COL1A1: variants seen among roughly 807,000 people sequenced by gnomAD.
The protein encoded by COL1A1 is collagen alpha-1(I) chain.
A neutral mutation model predicts 195.7 loss-of-function variants in COL1A1; 21 were observed. The observed-to-expected ratio is 0.11, with a 90% CI of 0.08 to 0.15. The LOEUF is 0.15. COL1A1 is among the 10% of genes least tolerant of loss of function. The pLI, the probability that COL1A1 is intolerant of heterozygous loss-of-function variation, is 1.00. For missense variants in COL1A1, 1,365 were observed against 2,051.0 expected (o/e 0.67, Z 6.46); for synonymous variants, 749 against 747.3 (o/e 1.00, Z -0.04).
At chr17:50,191,620 A>G in intron 31 of COL1A1, 130 bp from the exon 32 acceptor site, 1 of 1,114,824 alleles carries the variant, frequency 9.0e-7, no homozygotes. Context: ...AGATGAAAAG[A>G]CTCACAGCCC....
chr17:50,198,790 T>C (rs1709046653), intron 5 of COL1A1: 2 of 503,726 alleles, frequency 4.0e-6, no homozygotes, highest in South Asian at 4.2e-5. Flanking sequence ...ACTAGAGACA[T>C]GATGATTAAA....
Position 50,189,453 on chromosome 17 carries a change from C to T in COL1A1, c.2753G>A (p.Arg918His), listed in dbSNP as rs181824088. 19 of 1,612,958 alleles carry T rather than the reference C, an allele frequency of 1.2e-5. No homozygotes were observed. The highest frequency in any genetic ancestry group is 5.4e-5 in the African/African-American group (4 of 74,720). The change falls in exon 39 of 51, where the codon CGT becomes CAT. Residue 918 changes from arginine (R) to histidine (H), a missense_variant. Arg to His is a conservative substitution (Grantham distance 29). Around this residue, in one of 5 missense-constraint regions of COL1A1, gnomAD observed 671 missense variants for 1,099.9 expected, o/e 0.61. Transcript: ENST00000225964. This position sits in a 1 kb window ranked among gnomAD's most constrained non-coding sequence, Gnocchi z 5.5. The part of the protein sequence containing the change: ...GPRGETGPAG[R>H]PGEVGPPGPP... ...ACCAGGGGGACCAACTTCACCAGGA[C>T]GTCCAGCAGGGCCAGTCTCACCACG...
chr17:50,191,050 A>G, intron 32 of COL1A1, 126 bp from the exon 33 acceptor site: 1 of 917,890 alleles, frequency 1.1e-6, no homozygotes, highest in Non-Finnish European at 1.7e-6. Flanking sequence ...TGGGCCAAGG[A>G]CTCAAAGATT....
chr17:50,199,312 G>T lies in COL1A1; in HGVS notation c.385C>A (p.Pro129Thr). 1.9e-6 allele frequency: 3 copies of T among 1,549,082 alleles called. No homozygotes were observed. Among genetic ancestry groups the T allele is most frequent in the East Asian group, 2.4e-5 (1 of 41,208 alleles). Residue 129 changes from proline (P) to threonine (T), a missense_variant, in exon 5 of 51, where the codon CCT (proline) becomes ACT (threonine). Pro to Thr is a conservative substitution (Grantham distance 38, BLOSUM62 -1). Coordinates refer to ENST00000225964, the MANE Select transcript of COL1A1 (RefSeq NM_000088.4). ...TGTCCAGGGATGCCATCTCGGCCAG[G>T]GGGGCCTGCGGGTCCCTGCAGGGGG... ...PRGPRGPAGP[P>T]GRDGIPGQPG...
Position 50,185,418 on chromosome 17 carries a change from G to A in COL1A1, c.*84C>T, listed in dbSNP as rs532232848. ...TCTCCCATTTTTTGGCTTTTGAGGG[G>A]GTTCAGTTTGGGTTGCTTGTCTGTT... On this transcript the variant is annotated 3_prime_UTR_variant, in exon 51 of 51. Coordinates refer to ENST00000225964, the MANE Select transcript of COL1A1 (RefSeq NM_000088.4). 9 of 1,534,238 alleles carry A rather than the reference G, an allele frequency of 5.9e-6. No homozygotes were observed. The highest frequency in any genetic ancestry group is 1.8e-4 in the Middle Eastern group (1 of 5,494).
chr17:50,188,807 G>A lies in COL1A1; in HGVS notation c.3046-12C>T, dbSNP rs1392528842. 1.2e-6 allele frequency: 2 copies of A among 1,613,876 alleles called. No individual in the cohort carries two copies. The highest frequency in any genetic ancestry group is 2.2e-5 in the East Asian group (1 of 44,874). On this transcript the variant is annotated splice_polypyrimidine_tract_variant and intron_variant, in intron 41 of 50. Coordinates refer to ENST00000225964, the MANE Select transcript of COL1A1 (RefSeq NM_000088.4). The surrounding 1 kb of genome is among the most constrained non-coding windows in gnomAD (Gnocchi z 5.6). ...GCACCAGGAGCCCCCTGCAGAGAGA[G>A]AGAGAGAGAAGTGAGAGTCAGCCGG...
intron 32 of COL1A1, 114 bp downstream of exon 32, chr17:50,191,269 A>T: frequency 9.8e-7 from 1 of 1,020,078 alleles, no homozygotes; most frequent in African/African-American, 1.6e-5. Context: ...GGAAGAAGGG[A>T]GGATTAGCGA....
Position 50,190,848 on chromosome 17 carries a change from G to A in COL1A1, c.2312C>T (p.Pro771Leu). ...ACCAGGGGCACCAGCAGGGCCAGGA[G>A]GACCAATGGGGCCAGTCAGACCACG... Reference protein sequence around the residue: ...GVRGLTGPIGPPGPAGAPGDK... With the variant: ...GVRGLTGPIGLPGPAGAPGDK... Residue 771 changes from proline (P) to leucine (L), a missense_variant, in exon 33 of 51, where the codon CCT becomes CTT. Physicochemically the swap from Pro to Leu is moderately conservative, Grantham distance 98 (BLOSUM62 -3). This residue lies in a region of COL1A1 where 671 missense variants were observed against 1,099.9 expected (regional missense o/e 0.61). Transcript: ENST00000225964. This position sits in a 1 kb window ranked among gnomAD's most constrained non-coding sequence, Gnocchi z 4.7. 2 of 1,613,798 alleles carry A rather than the reference G, an allele frequency of 1.2e-6. No individual in the cohort carries two copies. The highest frequency in any genetic ancestry group is 1.3e-5 in the African/African-American group (1 of 75,036).
chr17:50,193,172 G>A (rs1433121595), intron 25 of COL1A1, 125 bp from the exon 26 acceptor site: 35 of 964,502 alleles, frequency 3.6e-5, no homozygotes, highest in Non-Finnish European at 4.8e-5. Flanking sequence ...TTTGGCCCCC[G>A]GGGAATGCCC....
rs778415109 is a variant in COL1A1 at position 50,195,283 on chromosome 17, G to C, written c.1248C>G (p.Gly416=). 1.2e-6 allele frequency: 2 copies of C among 1,613,562 alleles called. No individual in the cohort carries two copies. The highest frequency in any genetic ancestry group is 2.2e-5 in the East Asian group (1 of 44,844). The stretch of plus-strand genomic sequence containing the variant: ...CGCCGGGGCCCTGGGGTCCAGAGGG[G>C]CCTCGGGCACCAGGGAAGCCAGGAG... ...AGAPGFPGAR[G]PSGPQGPGGP... Residue 416 remains glycine, a synonymous_variant, in exon 19 of 51, where the codon GGC becomes GGG. Transcript: ENST00000225964. The surrounding 1 kb of genome is among the most constrained non-coding windows in gnomAD (Gnocchi z 4.3).
At position 50,184,786 on chromosome 17, in the gene COL1A1, A is replaced by ACG. The variant is rs1174743713; in HGVS notation, c.*714_*715dup. ...CAGCCCTGCGGCACAAGGGATTGAC[A>ACG]CGCGTTCCCCAAATCCGATGTTTCT... On this transcript the variant is annotated 3_prime_UTR_variant, in exon 51 of 51. Coordinates refer to ENST00000225964, the MANE Select transcript of COL1A1 (RefSeq NM_000088.4). The ACG allele has an allele frequency of 4.3e-6, 1 of 231,266 alleles. No homozygotes were observed. The highest frequency in any genetic ancestry group is 8.5e-6 in the Non-Finnish European group (1 of 117,172). 14.3% of individuals were successfully genotyped at this position (231,266 alleles called of 1,614,324 possible).
chr17:50,189,105 C>T lies in COL1A1; in HGVS notation c.2937+63G>A, dbSNP rs186558677. The T allele has an allele frequency of 4.4e-4, 707 of 1,589,318 alleles. 1 individual carries two copies. The highest frequency in any genetic ancestry group is 7.5e-4 in the Admixed American group (45 of 59,666). On this transcript the variant is annotated intron_variant, in intron 40 of 50. Transcript: ENST00000225964. This position sits in a 1 kb window ranked among gnomAD's most constrained non-coding sequence, Gnocchi z 5.5. ...CTACCAAATCTGTTCTCCTTGGCTC[C>T]GCCCCACTCCAAGTCCTGTGATGGT...
At position 50,199,105 on chromosome 17, in the gene COL1A1, C is replaced by T. The variant is rs184600748; in HGVS notation, c.471+121G>A. On this transcript the variant is annotated intron_variant, in intron 5 of 50. Transcript: ENST00000225964. Reference sequence around the variant, plus strand: ...ACTGTGAAGGGTATGTGAGAGTTTCCTGTAGGATTCTTGCAACTTTTCTGT... The same window carrying T: ...ACTGTGAAGGGTATGTGAGAGTTTCTTGTAGGATTCTTGCAACTTTTCTGT... 1.4e-4 allele frequency: 171 copies of T among 1,199,346 alleles called. 2 individuals carry two copies. In the African/African-American group the frequency reaches 2.0e-3, roughly 14 times the overall value. The allele number at this position is 1,199,346 out of a possible 1,614,324, so 74.3% of individuals were successfully genotyped here. A position where few individuals can be genotyped will look rare whatever the true frequency, so the allele number is the denominator to read the frequency against.
chr17:50,200,205 T>G, intron 1 of COL1A1: 5 of 466,746 alleles, frequency 1.1e-5, no homozygotes, highest in East Asian at 4.0e-5. Context: ...GGCTTCCAAC[T>G]CCAACCTCAG....
chr17:50,191,642 T>A, intron 31 of COL1A1, 146 bp downstream of exon 31: 1 of 1,108,118 alleles, frequency 9.0e-7, no homozygotes, highest in Non-Finnish European at 1.3e-6. Context: ...GACTCCAGGC[T>A]GTGTGTGGGC....
rs1268011878 is a variant in COL1A1 at position 50,194,753 on chromosome 17, G to C, written c.1429C>G (p.Pro477Ala). ...CCAGGGGGTCCGGGCAGGCCAGTGG[G>C]TCCGGGTTCACCTCGAGCTCCTCGC... ...GKRGARGEPG[P>A]TGLPGPPGER... Residue 477 changes from proline (P) to alanine (A), a missense_variant, in exon 21 of 51, where the codon CCC becomes GCC. By Grantham distance (27) the Pro-to-Ala change is conservative. This residue lies in a region of COL1A1 where 671 missense variants were observed against 1,099.9 expected (regional missense o/e 0.61). Transcript: ENST00000225964. This position sits in a 1 kb window ranked among gnomAD's most constrained non-coding sequence, Gnocchi z 6.8. 3.2e-6 allele frequency: 5 copies of C among 1,572,640 alleles called. No individual in the cohort carries two copies. The highest frequency in any genetic ancestry group is 1.2e-5 in the South Asian group (1 of 86,458).
At position 50,195,389 on chromosome 17, in the gene COL1A1, G is replaced by T; in HGVS notation, c.1200+45C>A. The T allele has an allele frequency of 6.2e-7, 1 of 1,613,620 alleles. No homozygotes were observed. Among genetic ancestry groups the T allele is most frequent in the Non-Finnish European group, 8.5e-7 (1 of 1,179,534 alleles). On this transcript the variant is annotated intron_variant, in intron 18 of 50. Coordinates refer to ENST00000225964, the MANE Select transcript of COL1A1 (RefSeq NM_000088.4). This position sits in a 1 kb window ranked among gnomAD's most constrained non-coding sequence, Gnocchi z 4.3. ...GGAGCAGAGGGAAAGGGGCAGGCAG[G>T]CTGCAGGCGGCAGGAGTGGGACTGA...
chr17:50,195,555 G>A lies in COL1A1; in HGVS notation c.1155+12C>T, dbSNP rs774034198. 2.2e-5 allele frequency: 36 copies of A among 1,613,816 alleles called. No individual in the cohort carries two copies. The highest frequency in any genetic ancestry group is 6.7e-5 in the African/African-American group (5 of 74,824). ...AAAGTGGCAAAGGGGACACTGAGTC[G>A]GGGACACTTACAGCAGGGCCAGCAG... is the stretch of plus-strand genomic sequence containing the variant. On this transcript the variant is annotated intron_variant, in intron 17 of 50. Transcript: ENST00000225964. The surrounding 1 kb of genome is among the most constrained non-coding windows in gnomAD (Gnocchi z 4.3).
At position 50,189,639 on chromosome 17, in the gene COL1A1, C is replaced by A. The variant is rs200520345; in HGVS notation, c.2667+40G>T. 4.7e-5 allele frequency: 76 copies of A among 1,613,034 alleles called. 1 individual carries two copies. The South Asian group carries it at 6.4e-4, about 14-fold the overall frequency. On this transcript the variant is annotated intron_variant, in intron 38 of 50. Coordinates refer to ENST00000225964, the MANE Select transcript of COL1A1 (RefSeq NM_000088.4). The surrounding 1 kb of genome is among the most constrained non-coding windows in gnomAD (Gnocchi z 5.5). ...TCCTTCTGGCAGCCCCCACCCAGCACCCCCAACCTAGAGCAGTGGACTCTG... is the reference window on the plus strand; with the variant it reads ...TCCTTCTGGCAGCCCCCACCCAGCAACCCCAACCTAGAGCAGTGGACTCTG...
Sources: gnomAD v4.1 joint callset for allele counts on GRCh38, gnomAD v4.1.1 for gene constraint, gnomAD v4.1.1 regional missense constraint, Gnocchi (gnomAD v3.1) non-coding constraint, MANE v1.5 for transcripts, NCBI Gene and HGNC (gene_info 2026-07-23, HGNC 2026-07-21) for gene names.